Variants in NEK1 observed in about 807,000 individuals in gnomAD.
NEK1 encodes NIMA related kinase 1.
In NEK1, 137 loss-of-function variants were observed where a neutral mutation model predicts 182.1. That is an observed-to-expected ratio of 0.75 (90% CI 0.65 to 0.87). NEK1 has a LOEUF of 0.87. Among genes scored for constraint, NEK1 ranks in the 40% least tolerant of loss-of-function variants. The probability of loss-of-function intolerance (pLI) is 0.00; values close to 1 mark genes in which losing one functional copy is unlikely to be tolerated. For missense variants in NEK1, 1,391 were observed against 1,494.4 expected (o/e 0.93, Z 1.14); for synonymous variants, 513 against 492.2 (o/e 1.04, Z -0.56).
At chr4:169,424,916 A>G (rs2111339583) in intron 30 of NEK1, 116 bp from the exon 31 acceptor site, 1 of 1,024,532 alleles carries the variant, frequency 9.8e-7, no homozygotes, top group East Asian at 2.4e-5. Context: ...CATATCAGGA[A>G]AATAAAATCA....
chr4:169,587,597 C>A lies in NEK1; in HGVS notation c.568G>T (p.Gly190Trp). 6.5e-7 allele frequency: 1 copy of A among 1,549,468 alleles called. No homozygotes were observed. Among genetic ancestry groups the A allele is most frequent in the South Asian group, 1.2e-5 (1 of 82,048 alleles). Reference protein sequence around the residue: ...YNNKSDIWALGCVLYELCTLK... With the variant: ...YNNKSDIWALWCVLYELCTLK... ...GTACACAGCTCATAAAGGACACACC[C>A]CAGAGCCCAAATGTCACTGGAGAAG... The change falls in exon 9 of 36, where the codon GGG (glycine) becomes TGG (tryptophan). Residue 190 changes from glycine to tryptophan, a missense_variant. Physicochemically the swap from Gly to Trp is radical, Grantham distance 184. This residue lies in a region of NEK1 where 1,216 missense variants were observed against 1,277.6 expected (regional missense o/e 0.95). Transcript: ENST00000507142.
chr4:169,400,063 G>T (rs1260286871), intron 35 of NEK1, 162 bp downstream of exon 35: 7 of 750,086 alleles, frequency 9.3e-6, no homozygotes, highest in African/African-American at 3.5e-5. Context: ...TGACAGATCA[G>T]TAAAAGTACA....
intron 27 of NEK1, among the ~76,000 whole-genome samples, chr4:169,456,545 C>G (rs1053850678): frequency 6.6e-6 from 1 of 152,032 alleles, no homozygotes; most frequent in African/African-American, 2.4e-5. Flanking sequence ...ACTGATACTG[C>G]AGAAATTAAA....
chr4:169,453,491 AGCACTG>A (rs2149474551), intron 27 of NEK1, among the ~76,000 whole-genome samples: 1 of 152,336 alleles, frequency 6.6e-6, no homozygotes, highest in South Asian at 2.1e-4. Flanking sequence ...AAATCTCTGC[AGCACTG>A]TGACATGTTC....
chr4:169,565,391 G>A (rs1267350937), intron 12 of NEK1, among the ~76,000 whole-genome samples: 1 of 151,988 alleles, frequency 6.6e-6, no homozygotes, highest in African/African-American at 2.4e-5. Context: ...CACCACTAAT[G>A]GATAGCAACC....
chr4:169,553,332 GAC>G (rs1761699628), intron 18 of NEK1, among the ~76,000 whole-genome samples: 1 of 152,130 alleles, frequency 6.6e-6, no homozygotes, highest in Non-Finnish European at 1.5e-5. Flanking sequence ...TCTAGACACA[GAC>G]CTTATATCCT....
chr4:169,508,824 T>C lies in NEK1; in HGVS notation c.1694A>G (p.Tyr565Cys), dbSNP rs1753735603. The C allele has an allele frequency of 1.3e-6, 2 of 1,592,464 alleles. No homozygotes were observed. The highest frequency in any genetic ancestry group is 1.3e-5 in the African/African-American group (1 of 75,000). ...TCTTGAAGAGCTGGGCCTGCCTCCA[T>C]ACATAGCTGCCAGGTTTTGCAGGAT... ...MGILQNLAAMYGGRPSSSRGG... is the reference protein window; with the variant it reads ...MGILQNLAAMCGGRPSSSRGG... Residue 565 changes from tyrosine to cysteine, a missense_variant, in exon 20 of 36, where the codon TAT becomes TGT. This residue lies in a region of NEK1 where 1,216 missense variants were observed against 1,277.6 expected (regional missense o/e 0.95). Coordinates refer to ENST00000507142, the MANE Select transcript of NEK1 (RefSeq NM_001199397.3).
At chr4:169,477,757 T>C (rs2149551264) in intron 24 of NEK1, among the ~76,000 whole-genome samples, 1 of 152,104 alleles carries the variant, frequency 6.6e-6, no homozygotes, top group African/African-American at 2.4e-5. Flanking sequence ...ATTAACTATA[T>C]CCTCTTCCTC....
chr4:169,586,583 T>C (rs1767571675), intron 9 of NEK1, among the ~76,000 whole-genome samples: 1 of 152,054 alleles, frequency 6.6e-6, no homozygotes, highest in African/African-American at 2.4e-5. Context: ...GCAAAGATTT[T>C]TTAAAAACCC....
At chr4:169,398,919 A>C (rs1731162735) in intron 35 of NEK1, among the ~76,000 whole-genome samples, 1 of 152,206 alleles carries the variant, frequency 6.6e-6, no homozygotes, top group Non-Finnish European at 1.5e-5. Flanking sequence ...TCTAGAAATA[A>C]ATTCTTGTTC....
chr4:169,598,070 G>A (rs985772569), intron 5 of NEK1, among the ~76,000 whole-genome samples: 3 of 152,102 alleles, frequency 2.0e-5, no homozygotes, highest in African/African-American at 7.2e-5. Context: ...TAAAAGCAGT[G>A]GTAATCTCAG....
intron 7 of NEK1, 148 bp downstream of exon 7, chr4:169,589,299 T>A (rs751666466): frequency 1.6e-6 from 1 of 638,882 alleles, no homozygotes. Context: ...AATCACCTAA[T>A]GATGCCTTTC....
In NEK1 at chr4:169,535,331, TAAAC is replaced by T. The variant is rs552719752; in HGVS notation, c.1665+2474_1665+2477del. Among the ~76,000 whole-genome samples the T allele has an allele frequency of 4.2e-3, 623 of 149,992 alleles. 2 individuals are homozygous for T. Among genetic ancestry groups the T allele is most frequent in the Non-Finnish European group, 6.0e-3 (406 of 67,240 alleles). ...AGAGCGAAAACTCTGTCTCAAAAAA[TAAAC>T]AAACAAAAACCAATTTCTGAGATGG... On this transcript the variant is annotated intron_variant, in intron 19 of 35. Coordinates refer to ENST00000507142, the MANE Select transcript of NEK1 (RefSeq NM_001199397.3).
chr4:169,410,904 G>A (rs551631382), intron 31 of NEK1, among the ~76,000 whole-genome samples: 81 of 152,260 alleles, frequency 5.3e-4, no homozygotes, highest in Non-Finnish European at 1.0e-3. Flanking sequence ...GAAGAAACAC[G>A]AGCTGACTGA....
intron 10 of NEK1, among the ~76,000 whole-genome samples, chr4:169,581,119 G>C (rs1344935182): frequency 1.3e-5 from 2 of 151,240 alleles, no homozygotes; most frequent in Non-Finnish European, 2.9e-5. Flanking sequence ...GAGGCTGAGG[G>C]GAAGATCGCT....
chr4:169,609,669 T>G (rs1771986490), intron 2 of NEK1, among the ~76,000 whole-genome samples: 1 of 152,154 alleles, frequency 6.6e-6, no homozygotes, highest in African/African-American at 2.4e-5. Flanking sequence ...TATGGAGAGA[T>G]ACACAATAAA....
intron 24 of NEK1, 35 bp downstream of exon 24, chr4:169,479,368 T>A (rs753074655): frequency 6.4e-7 from 1 of 1,569,002 alleles, no homozygotes; most frequent in South Asian, 1.2e-5. Context: ...AATAATCTTT[T>A]GACTTTGAGG....
At position 169,495,031 on chromosome 4, in the gene NEK1, T is replaced by G. The variant is rs937856302; in HGVS notation, c.2007+12006A>C. ...GTAGGTTGCAAAAATTTTCTCCCATTCTGTAGGTTGCCTGTTCACTCTGAT... is the reference window on the plus strand; with the variant it reads ...GTAGGTTGCAAAAATTTTCTCCCATGCTGTAGGTTGCCTGTTCACTCTGAT... On this transcript the variant is annotated intron_variant, in intron 23 of 35. Coordinates refer to ENST00000507142, the MANE Select transcript of NEK1 (RefSeq NM_001199397.3). Among the ~76,000 whole-genome samples, 122 of 152,112 alleles carry G rather than the reference T, an allele frequency of 8.0e-4. 2 individuals are homozygous for G. Among genetic ancestry groups the G allele is most frequent in the Admixed American group, 2.4e-3 (37 of 15,270 alleles).
chr4:169,407,378 A>C (rs1237859778), intron 31 of NEK1, among the ~76,000 whole-genome samples: 1 of 152,204 alleles, frequency 6.6e-6, no homozygotes, highest in African/African-American at 2.4e-5. Flanking sequence ...AGGGGCCTCA[A>C]ATCAGTGCAG....
Sources: gnomAD v4.1 joint callset for allele counts (sites outside exome capture counted in the v4.1 genomes callset) on GRCh38, gnomAD v4.1.1 for gene constraint, gnomAD v4.1.1 regional missense constraint, MANE v1.5 for transcripts, NCBI Gene and HGNC (gene_info 2026-07-23, HGNC 2026-07-21) for gene names.